The following TMEM217 variants were observed in gnomAD, a reference collection of about 807,000 sequenced individuals.
The protein encoded by TMEM217 is transmembrane protein 217.
For synonymous variants in TMEM217, 76 were observed against 88.3 expected (o/e 0.86, Z 0.78); for missense variants, 204 against 248.8 (o/e 0.82, Z 1.21).
chr6:37,215,411 C>G (rs1321952403), downstream of TMEM217: 1 of 1,161,416 alleles, frequency 8.6e-7, no homozygotes, highest in Non-Finnish European at 1.1e-6. Flanking sequence ...CCCATCTCTA[C>G]TAAAGATACA....
chr6:37,232,435 G>C (rs929824403), intron 1 of TMEM217, among the ~76,000 whole-genome samples: 2 of 152,160 alleles, frequency 1.3e-5, no homozygotes, highest in African/African-American at 4.8e-5. Context: ...GCCCAGGCTG[G>C]AGTGCAGTGG....
chr6:37,245,927 G>A (rs1213506885), intron 1 of TMEM217, among the ~76,000 whole-genome samples: 2 of 152,074 alleles, frequency 1.3e-5, no homozygotes, highest in Middle Eastern at 3.4e-3. Flanking sequence ...AGCCTCCCGA[G>A]TAGCTGTAAT....
At chr6:37,215,994 G>GGTGTGTGTGTGTGTGT (rs60725183), downstream of TMEM217, among the ~76,000 whole-genome samples, 1 of 149,082 alleles carries the variant, frequency 6.7e-6, no homozygotes, top group Admixed American at 6.7e-5. Context: ...GGTTCTTCAG[G>GGTGTGTGTGTGTGTGT]GTGTGTGTGT....
At chr6:37,218,811 T>C (rs1282646463) in exon 2 of TMEM217, 1 of 1,614,088 alleles carries the variant, frequency 6.2e-7, no homozygotes, top group African/African-American at 1.3e-5. Context: ...AGGATGGTGA[T>C]GAAAGACAGG....
intron 1 of TMEM217, among the ~76,000 whole-genome samples, chr6:37,246,254 AT>A (rs746222628): frequency 7.9e-5 from 12 of 152,044 alleles, no homozygotes; most frequent in Non-Finnish European, 1.8e-4. Flanking sequence ...ACAAGCATCT[AT>A]TTTTCTTATT....
At chr6:37,227,848 A>G (rs180765481) in intron 1 of TMEM217, among the ~76,000 whole-genome samples, 1 of 152,226 alleles carries the variant, frequency 6.6e-6, no homozygotes, top group East Asian at 1.9e-4. Flanking sequence ...AAATTAAAGC[A>G]TAATTTAATA....
chr6:37,240,296 T>G (rs796927665), intron 1 of TMEM217, among the ~76,000 whole-genome samples: 10 of 152,316 alleles, frequency 6.6e-5, no homozygotes, highest in African/African-American at 2.2e-4. Context: ...GCTGTTGGCC[T>G]GGGCTGGGGG....
chr6:37,229,344 T>TTTTTTG (rs1562010304), intron 1 of TMEM217, among the ~76,000 whole-genome samples: 2 of 127,784 alleles, frequency 1.6e-5, no homozygotes, highest in Middle Eastern at 3.9e-3. Flanking sequence ...AGTTTTTTTT[T>TTTTTTG]TTTTTTTTTT....
intron 1 of TMEM217, among the ~76,000 whole-genome samples, chr6:37,252,450 GACAT>G (rs1414950526): frequency 6.6e-6 from 1 of 151,458 alleles, no homozygotes; most frequent in African/African-American, 2.4e-5. Flanking sequence ...ACCCCTGGTT[GACAT>G]ACATACATAC....
downstream of TMEM217, among the ~76,000 whole-genome samples, chr6:37,216,106 T>C (rs548898816): frequency 6.6e-6 from 1 of 152,168 alleles, no homozygotes; most frequent in Admixed American, 6.5e-5. Flanking sequence ...TGAGACAAAG[T>C]CTCACTCTGT....
At chr6:37,237,004 TC>T (rs1447841005) in intron 1 of TMEM217, among the ~76,000 whole-genome samples, 1 of 152,126 alleles carries the variant, frequency 6.6e-6, no homozygotes, top group East Asian at 1.9e-4. Context: ...GACTGGCTTC[TC>T]CAGAATGAGT....
At chr6:37,256,159 T>C (rs937682440) in intron 1 of TMEM217, among the ~76,000 whole-genome samples, 2 of 152,232 alleles carry the variant, frequency 1.3e-5, no homozygotes, top group African/African-American at 4.8e-5. Context: ...GGCAGGTATC[T>C]TGTCACATGG....
At chr6:37,224,616 A>AG (rs1407214414) in intron 1 of TMEM217, among the ~76,000 whole-genome samples, 2 of 6,748 alleles carry the variant, frequency 3.0e-4, no homozygotes, top group Non-Finnish European at 1.1e-3. Context: ...CAAACAAACG[A>AG]AAAAAAAACC....
intron 1 of TMEM217, among the ~76,000 whole-genome samples, chr6:37,225,279 G>T (rs554313059): frequency 8.5e-5 from 13 of 152,286 alleles, no homozygotes; most frequent in African/African-American, 3.1e-4. Context: ...TGAAGTGCAA[G>T]GGGCAGGGAT....
chr6:37,256,993 AG>A (rs997233287), intron 1 of TMEM217, among the ~76,000 whole-genome samples: 24 of 152,340 alleles, frequency 1.6e-4, no homozygotes, highest in Admixed American at 1.0e-3. Context: ...TAGATTAACA[AG>A]GGAAATTAAG....
chr6:37,245,206 G>A (rs1487079731), intron 1 of TMEM217, among the ~76,000 whole-genome samples: 1 of 152,246 alleles, frequency 6.6e-6, no homozygotes, highest in Non-Finnish European at 1.5e-5. Flanking sequence ...TATGTTCAGA[G>A]GTTTTTCCTT....
downstream of TMEM217, chr6:37,215,362 G>A: frequency 1.3e-6 from 2 of 1,497,506 alleles, no homozygotes. Flanking sequence ...GGATCACGAG[G>A]TCAGGAGTTC....
chr6:37,227,142 G>A (rs1391857059), intron 1 of TMEM217, among the ~76,000 whole-genome samples: 1 of 152,112 alleles, frequency 6.6e-6, no homozygotes, highest in East Asian at 1.9e-4. Context: ...TGTGTCTTGT[G>A]GGTTTCAGGG....
At chr6:37,249,326 T>C (rs554126931) in intron 1 of TMEM217, among the ~76,000 whole-genome samples, 13 of 152,156 alleles carry the variant, frequency 8.5e-5, no homozygotes, top group East Asian at 1.9e-4. Context: ...TCTTCTTCTT[T>C]TTTTGAGGGG....
Sources: gnomAD v4.1 joint callset for allele counts (sites outside exome capture counted in the v4.1 genomes callset) on GRCh38, gnomAD v4.1.1 for gene constraint, MANE v1.5 for transcripts, NCBI Gene and HGNC (gene_info 2026-07-23, HGNC 2026-07-21) for gene names.